The following ZNF584 variants were observed in gnomAD, a reference collection of about 807,000 sequenced individuals.
The protein encoded by ZNF584 is zinc finger protein 584.
In ZNF584, 12 loss-of-function variants were observed where a neutral mutation model predicts 14.7. The observed-to-expected ratio is 0.82, with a 90% CI of 0.52 to 1.32. The LOEUF (loss-of-function observed/expected upper bound fraction) is 1.32. ZNF584 is among the 40% of genes most tolerant of loss of function. The pLI, the probability that ZNF584 is intolerant of heterozygous loss-of-function variation, is 0.00. For missense variants in ZNF584, 478 were observed against 518.8 expected, an observed-to-expected ratio of 0.92 and a Z score of 0.76; for synonymous variants, 204 against 190.9, an observed-to-expected ratio of 1.07 and a Z score of -0.57.
intron 1 of ZNF584, among the ~76,000 whole-genome samples, chr19:58,401,924 C>T (rs1180843781): frequency 8.4e-6 from 1 of 118,966 alleles, no homozygotes; most frequent in Non-Finnish European, 1.6e-5. Flanking sequence ...TTTTTTTTAG[C>T]CGGACGTGGT....
At position 58,417,589 on chromosome 19, in the gene ZNF584, C is replaced by T. The variant is rs771579442; in HGVS notation, c.1071C>T (p.Ser357=). ...VHTGERPYEC[S]LCGKTFTTRS... is the part of the protein sequence containing the mutation. ...CTGGGGAACGGCCCTATGAATGTAG[C>T]CTGTGTGGGAAAACCTTCACTACCA... Residue 357 remains serine (S), a synonymous_variant, in exon 4 of 4, where the codon AGC becomes AGT. Transcript: ENST00000306910. The T allele has an allele frequency of 6.2e-7, 1 of 1,614,168 alleles. No homozygotes were observed. Among genetic ancestry groups the T allele is most frequent in the South Asian group, 1.1e-5 (1 of 91,066 alleles).
At position 58,412,249 on chromosome 19, in the gene ZNF584, C is replaced by CCGGACTG. The variant is rs906529468; in HGVS notation, c.169+2167_169+2173dup. The stretch of plus-strand genomic sequence containing the variant: ...ACGGAGTCTCGCTCTGTCGCCCAGG[C>CCGGACTG]CGGACTGCGGACTGCAGTGGCGCAA... On this transcript the variant is annotated intron_variant, in intron 2 of 3. Coordinates refer to ENST00000306910, the MANE Select transcript of ZNF584 (RefSeq NM_173548.3). Among the ~76,000 whole-genome samples the CCGGACTG allele has an allele frequency of 3.0e-5, 4 of 132,780 alleles. No homozygotes were observed. In the South Asian group the frequency reaches 6.9e-4, roughly 23 times the overall value. The allele number at this position is 132,780 out of a possible 152,430, so 87.1% of individuals were successfully genotyped here.
At position 58,418,025 on chromosome 19, in the gene ZNF584, A is replaced by C; in HGVS notation, c.*241A>C. ...CGCCATCCACCTCTATCCACCCCAT[A>C]AGGTCCCTACAGCAAGTGGGACAGC... On this transcript the variant is annotated 3_prime_UTR_variant, in exon 4 of 4. Coordinates refer to ENST00000306910, the MANE Select transcript of ZNF584 (RefSeq NM_173548.3). The C allele has an allele frequency of 1.9e-6, 1 of 536,592 alleles. No homozygotes were observed. Among genetic ancestry groups the C allele is most frequent in the Non-Finnish European group, 3.3e-6 (1 of 301,856 alleles). The allele number at this position is 536,592 out of a possible 1,614,324, so 33.2% of individuals were successfully genotyped here.
In ZNF584 at chr19:58,408,998, C is replaced by G; in HGVS notation, c.-150C>G. 9.7e-7 allele frequency: 1 copy of G among 1,030,234 alleles called. No homozygotes were observed. The highest frequency in any genetic ancestry group is 1.3e-6 in the Non-Finnish European group (1 of 747,758). 63.8% of individuals were successfully genotyped at this position (1,030,234 alleles called of 1,614,324 possible). A position where few individuals can be genotyped will look rare whatever the true frequency, so the allele number is the denominator to read the frequency against. On this transcript the variant is annotated 5_prime_UTR_variant, in exon 1 of 4. Transcript: ENST00000306910. ...CGTACCGTCCTCCTTCCCAGCGGCT[C>G]CGGGAAGCGGTTCCCTGTCTTCGGA... is the stretch of plus-strand genomic sequence containing the variant.
At position 58,416,801 on chromosome 19, in the gene ZNF584, C is replaced by T. The variant is rs1456308755; in HGVS notation, c.293-10C>T. 6 of 1,528,316 alleles carry T rather than the reference C, an allele frequency of 3.9e-6. No individual in the cohort carries two copies. Among genetic ancestry groups the T allele is most frequent in the South Asian group, 2.6e-5 (2 of 76,080 alleles). 94.7% of individuals were successfully genotyped at this position (1,528,316 alleles called of 1,614,324 possible). On this transcript the variant is annotated splice_polypyrimidine_tract_variant and intron_variant, in intron 3 of 3. Transcript: ENST00000306910. ...TTCAACTCTTAGTAATGATTCATCT[C>T]TGCTTTCAGATGGTTTGTGTAGAGT...
chr19:58,417,133 A>G lies in ZNF584; in HGVS notation c.615A>G (p.Arg205=), dbSNP rs371851277. 1.2e-6 allele frequency: 2 copies of G among 1,613,772 alleles called. No homozygotes were observed. The highest frequency in any genetic ancestry group is 2.7e-5 in the African/African-American group (2 of 74,948). The change falls in exon 4 of 4, where the codon CGA becomes CGG. Residue 205 remains arginine (R), a synonymous_variant. Coordinates refer to ENST00000306910, the MANE Select transcript of ZNF584 (RefSeq NM_173548.3). The stretch of plus-strand genomic sequence containing the variant: ...AGAAGTCAGCTCATATTAACCCCCG[A>G]AAAATTCACACTGGAGAAACAGCCC... ...AFKKSAHINP[R]KIHTGETAHV...
intron 2 of ZNF584, among the ~76,000 whole-genome samples, chr19:58,410,675 G>GTA (rs544171240): frequency 0.69 from 33,493 of 48,770 alleles, 12,955 homozygotes; most frequent in East Asian, 0.81. Flanking sequence ...GTATATATGT[G>GTA]TATATATATG....
chr19:58,404,423 G>A (rs372108454), upstream of ZNF584: 2 of 152,354 alleles, frequency 1.3e-5, no homozygotes, highest in African/African-American at 2.5e-5. Context: ...AGATTAGGGA[G>A]TGGTGATGAC....
In ZNF584 at chr19:58,417,538, C is replaced by A. The variant is rs775635483; in HGVS notation, c.1020C>A (p.Gly340=). The change falls in exon 4 of 4, where the codon GGC becomes GGA. Residue 340 remains glycine, a synonymous_variant. Coordinates refer to ENST00000306910, the MANE Select transcript of ZNF584 (RefSeq NM_173548.3). ...GGAAAGGCTACGTGACCCGTTCAGG[C>A]CTCTATCAGCACTGGAAAGTCCACA... ...QCGKGYVTRS[G]LYQHWKVHTG... is the part of the protein sequence containing the mutation. 4.3e-6 allele frequency: 7 copies of A among 1,614,198 alleles called. No homozygotes were observed. Among genetic ancestry groups the A allele is most frequent in the South Asian group, 2.2e-5 (2 of 91,080 alleles).
At chr19:58,406,774 TG>T (rs1223912276), upstream of ZNF584, 1 of 152,316 alleles carries the variant, frequency 6.6e-6, no homozygotes, top group Non-Finnish European at 1.5e-5. Context: ...GGCAATCCTG[TG>T]GGGGAATGAA....
chr19:58,410,814 C>G (rs1348186869), intron 2 of ZNF584, among the ~76,000 whole-genome samples: 1 of 29,116 alleles, frequency 3.4e-5, no homozygotes, highest in Non-Finnish European at 8.0e-5. Flanking sequence ...TTTTTTGAGA[C>G]AGAGCCTCAC....
At chr19:58,411,526 C>CA (rs200363127) in intron 2 of ZNF584, among the ~76,000 whole-genome samples, 79,607 of 141,392 alleles carry the variant, frequency 0.56, 23,101 homozygotes, top group African/African-American at 0.78. Flanking sequence ...AACTACGTCT[C>CA]AAAAAAAAAA....
Position 58,417,852 on chromosome 19 carries a change from T to C in ZNF584, c.*68T>C. 2.6e-6 allele frequency: 4 copies of C among 1,527,212 alleles called. No homozygotes were observed. Among genetic ancestry groups the C allele is most frequent in the Non-Finnish European group, 3.5e-6 (4 of 1,138,128 alleles). The allele number at this position is 1,527,212 out of a possible 1,614,324, so 94.6% of individuals were successfully genotyped here. A position where few individuals can be genotyped will look rare whatever the true frequency, so the allele number is the denominator to read the frequency against. On this transcript the variant is annotated 3_prime_UTR_variant, in exon 4 of 4. Coordinates refer to ENST00000306910, the MANE Select transcript of ZNF584 (RefSeq NM_173548.3). Reference sequence around the variant, plus strand: ...AAGGAGAGTGGCCGTGAGAGTGCCATCCGAAAGAAGCTAAACCTTGCACAT... The same window carrying C: ...AAGGAGAGTGGCCGTGAGAGTGCCACCCGAAAGAAGCTAAACCTTGCACAT...
rs757997910 is a variant in ZNF584 at position 58,415,649 on chromosome 19, A to G, written c.292+3A>G. 6 of 1,613,482 alleles carry G rather than the reference A, an allele frequency of 3.7e-6. No homozygotes were observed. The highest frequency in any genetic ancestry group is 1.6e-4 in the Middle Eastern group (1 of 6,080). On this transcript the variant is annotated splice_donor_region_variant and intron_variant, in intron 3 of 3. Transcript: ENST00000306910. ...AGCCAGGAGAGGTTTTGGTCTTGGT[A>G]AGTGGAGTGGAGGGGAATACCTTGG...
intron 2 of ZNF584, among the ~76,000 whole-genome samples, chr19:58,413,598 C>T (rs986885653): frequency 1.3e-5 from 2 of 151,740 alleles, no homozygotes; most frequent in Non-Finnish European, 2.9e-5. Flanking sequence ...CCTCCGCCCC[C>T]CAAGTTCAAG....
chr19:58,410,557 A>ATATATATGTG lies in ZNF584; in HGVS notation c.169+467_169+468insATATATGTGT, dbSNP rs1340373210. 4.2e-4 allele frequency among the ~76,000 whole-genome samples: 11 copies of ATATATATGTG among 26,002 alleles called. 1 individual carries two copies. Among genetic ancestry groups the ATATATATGTG allele is most frequent in the Admixed American group, 3.4e-3 (9 of 2,664 alleles). 17.1% of individuals were successfully genotyped at this position (26,002 alleles called of 152,430 possible). ...TATATATATATATATATATATATAT[A>ATATATATGTG]TGTGTATATATATATGTATATATAT... On this transcript the variant is annotated intron_variant, in intron 2 of 3. Coordinates refer to ENST00000306910, the MANE Select transcript of ZNF584 (RefSeq NM_173548.3).
chr19:58,402,068 T>C (rs1004221519), intron 1 of ZNF584, among the ~76,000 whole-genome samples: 2 of 151,418 alleles, frequency 1.3e-5, no homozygotes, highest in Admixed American at 1.3e-4. Flanking sequence ...GAGACTCCGT[T>C]TGGGGGGGTA....
Position 58,410,128 on chromosome 19 carries a change from C to A in ZNF584, c.169+37C>A, listed in dbSNP as rs372971531. The A allele has an allele frequency of 1.9e-6, 3 of 1,560,968 alleles. No homozygotes were observed. The South Asian group carries it at 3.7e-5, about 19-fold the overall frequency. On this transcript the variant is annotated intron_variant, in intron 2 of 3. Coordinates refer to ENST00000306910, the MANE Select transcript of ZNF584 (RefSeq NM_173548.3). ...ACACTGTCCCCCAGCACACTGACTA[C>A]CCCCTCATTTTCCCCATGCGAAGTT...
At chr19:58,404,803 G>C (rs528419423), upstream of ZNF584, 1 of 177,228 alleles carries the variant, frequency 5.6e-6, no homozygotes, top group African/African-American at 2.5e-5. Context: ...TTTCCCAGTA[G>C]GGGCGGCCGG....
Sources: allele counts gnomAD v4.1 joint callset (sites outside exome capture counted in the v4.1 genomes callset), GRCh38; gene constraint gnomAD v4.1.1; transcripts MANE v1.5; gene names NCBI Gene and HGNC (gene_info 2026-07-23, HGNC 2026-07-21).